Variants in TBXAS1 observed in about 807,000 individuals in gnomAD.
TBXAS1 encodes the protein thromboxane A synthase 1, also known as thromboxane-A synthase.
A neutral mutation model predicts 60.7 loss-of-function variants in TBXAS1; 48 were observed. The observed-to-expected ratio is 0.79, with a 90% CI of 0.63 to 1.01. TBXAS1 has a LOEUF of 1.01. TBXAS1 is among the 50% of genes least tolerant of loss of function. The probability of loss-of-function intolerance (pLI) is 0.00; values close to 1 mark genes in which losing one functional copy is unlikely to be tolerated. For synonymous variants in TBXAS1, 287 were observed against 269.7 expected, an observed-to-expected ratio of 1.06 and a Z score of -0.63; for missense variants, 685 against 686.3, an observed-to-expected ratio of 1.00 and a Z score of 0.02.
upstream of TBXAS1, among the ~76,000 whole-genome samples, chr7:139,826,832 C>T (rs555747263): frequency 6.6e-6 from 1 of 152,300 alleles, no homozygotes; most frequent in Admixed American, 6.5e-5. Context: ...GGCTCGACAC[C>T]TCCACTCAGA....
At chr7:139,959,007 T>TCACA (rs8192836) in intron 8 of TBXAS1, among the ~76,000 whole-genome samples, 207 of 149,848 alleles carry the variant, frequency 1.4e-3, no homozygotes, top group African/African-American at 4.8e-3. Context: ...TTGAGAGTGT[T>TCACA]CACACACACA....
chr7:139,845,156 C>T (rs566823906), intron 1 of TBXAS1, among the ~76,000 whole-genome samples: 5 of 152,288 alleles, frequency 3.3e-5, no homozygotes, highest in East Asian at 1.9e-4. Context: ...AGCCTTCCCA[C>T]GGGTCTCCCT....
intron 1 of TBXAS1, among the ~76,000 whole-genome samples, chr7:139,863,873 C>T (rs142324849): frequency 1.4e-3 from 219 of 152,204 alleles, no homozygotes; most frequent in African/African-American, 4.8e-3. Context: ...ACCCATAGCA[C>T]GACTAATCAA....
chr7:139,829,353 C>T lies in TBXAS1; in HGVS notation c.-38C>T, dbSNP rs1798556482. ...GGGCGGCGAGATCAGCCTCCTGTCT[C>T]ATCTGGAAGACCACCACTCTGGGGT... On this transcript the variant is annotated 5_prime_UTR_variant, in exon 1 of 13. Coordinates refer to ENST00000448866, the MANE Select transcript of TBXAS1 (RefSeq NM_001061.7). The T allele has an allele frequency of 4.4e-6, 7 of 1,593,428 alleles. No individual in the cohort carries two copies. Among genetic ancestry groups the T allele is most frequent in the African/African-American group, 1.3e-5 (1 of 74,608 alleles).
At chr7:139,866,929 A>C (rs1410581649) in intron 1 of TBXAS1, among the ~76,000 whole-genome samples, 2 of 152,122 alleles carry the variant, frequency 1.3e-5, no homozygotes, top group Non-Finnish European at 2.9e-5. Flanking sequence ...GAAGCACTTC[A>C]AAATGTGTCT....
At chr7:139,827,901 C>T (rs935840247), upstream of TBXAS1, among the ~76,000 whole-genome samples, 2 of 152,218 alleles carry the variant, frequency 1.3e-5, no homozygotes, top group Non-Finnish European at 2.9e-5. Flanking sequence ...TTCTGTCTCA[C>T]AGCTCTTAAG....
At chr7:139,943,896 C>A (rs78325313) in intron 5 of TBXAS1, among the ~76,000 whole-genome samples, 1 of 152,056 alleles carries the variant, frequency 6.6e-6, no homozygotes, top group African/African-American at 2.4e-5. Flanking sequence ...CCCAGAAATA[C>A]GTTTAAATAC....
At chr7:139,904,170 G>C (rs1016528217) in intron 3 of TBXAS1, among the ~76,000 whole-genome samples, 1 of 152,026 alleles carries the variant, frequency 6.6e-6, no homozygotes, top group Non-Finnish European at 1.5e-5. Flanking sequence ...CATGTGGCTA[G>C]CCAATTATCC....
intron 1 of TBXAS1, among the ~76,000 whole-genome samples, chr7:139,849,568 C>T (rs1205066184): frequency 3.3e-5 from 5 of 151,964 alleles, no homozygotes; most frequent in Middle Eastern, 3.2e-3. Context: ...CAGGTTGGTC[C>T]TGGGCCGAAC....
chr7:139,970,584 A>G (rs1166820283), intron 9 of TBXAS1, among the ~76,000 whole-genome samples: 1 of 152,142 alleles, frequency 6.6e-6, no homozygotes. Flanking sequence ...TCAGTGGTTT[A>G]CCTTTTGCTA....
intron 9 of TBXAS1, among the ~76,000 whole-genome samples, chr7:139,968,867 G>C (rs116589701): frequency 6.6e-6 from 1 of 152,124 alleles, no homozygotes; most frequent in African/African-American, 2.4e-5. Flanking sequence ...TGTACCACTC[G>C]TAAAGCTGAA....
chr7:139,947,694 A>T (rs1808848696), intron 5 of TBXAS1, among the ~76,000 whole-genome samples: 2 of 152,228 alleles, frequency 1.3e-5, no homozygotes. Flanking sequence ...ACTGGTTGCC[A>T]GACAGCTGCT....
At chr7:139,877,138 G>A (rs1304218510) in intron 3 of TBXAS1, among the ~76,000 whole-genome samples, 1 of 152,218 alleles carries the variant, frequency 6.6e-6, no homozygotes, top group East Asian at 1.9e-4. Context: ...TGAGGCCAAA[G>A]CAAGACACCT....
At position 140,011,167 on chromosome 7, in the gene TBXAS1, C is replaced by T. The variant is rs116584754; in HGVS notation, c.1226+3985C>T. 9.3e-3 allele frequency among the ~76,000 whole-genome samples: 1,407 copies of T among 151,998 alleles called. 17 individuals are homozygous for T. The highest frequency in any genetic ancestry group is 0.03 in the African/African-American group (1,251 of 41,430). Reference sequence around the variant, plus strand: ...TGGCAGAAACCTGTAATCCCAGCTACAAGGGAGGCTAAGGCAGGAGAATTG... The same window carrying T: ...TGGCAGAAACCTGTAATCCCAGCTATAAGGGAGGCTAAGGCAGGAGAATTG... On this transcript the variant is annotated intron_variant, in intron 10 of 12. Transcript: ENST00000448866.
In TBXAS1 at chr7:139,957,561, G is replaced by A. The variant is rs41275021; in HGVS notation, c.689-73G>A. ...GATTCCAGGCCCGCGTTTGCTTCCC[G>A]GGAACAGGCGTCTAATGGCCCTGGT... On this transcript the variant is annotated intron_variant, in intron 7 of 12. Coordinates refer to ENST00000448866, the MANE Select transcript of TBXAS1 (RefSeq NM_001061.7). 7.5e-4 allele frequency: 1,200 copies of A among 1,607,558 alleles called. 7 individuals are homozygous for A. The highest frequency in any genetic ancestry group is 5.5e-3 in the Middle Eastern group (33 of 6,052).
intron 4 of TBXAS1, among the ~76,000 whole-genome samples, chr7:139,814,959 C>T (rs1798110227): frequency 6.6e-6 from 1 of 152,194 alleles, no homozygotes; most frequent in African/African-American, 2.4e-5. Context: ...GTCTCTGTGC[C>T]TTTCACCTTA....
chr7:139,931,150 A>T (rs1807296892), intron 4 of TBXAS1, among the ~76,000 whole-genome samples: 1 of 152,062 alleles, frequency 6.6e-6, no homozygotes, highest in South Asian at 2.1e-4. Flanking sequence ...ACCACAGAAT[A>T]CTTTCCCTGA....
chr7:139,815,323 C>T (rs1358722818), intron 4 of TBXAS1, among the ~76,000 whole-genome samples: 2 of 152,176 alleles, frequency 1.3e-5, no homozygotes, highest in Non-Finnish European at 1.5e-5. Context: ...GCTCCTAGAA[C>T]TTATCTTAGC....
At chr7:139,974,999 A>C (rs1811466656) in intron 9 of TBXAS1, among the ~76,000 whole-genome samples, 1 of 152,182 alleles carries the variant, frequency 6.6e-6, no homozygotes. Flanking sequence ...TGGCTCATGT[A>C]ATTTATGGAG....
Sources: allele counts gnomAD v4.1 joint callset (sites outside exome capture counted in the v4.1 genomes callset), GRCh38; gene constraint gnomAD v4.1.1; transcripts MANE v1.5; gene names NCBI Gene and HGNC (gene_info 2026-07-23, HGNC 2026-07-21).